ZNF740: variants seen among roughly 807,000 people sequenced by gnomAD.
The protein encoded by ZNF740 is oriLyt TD-element-binding protein 7.
In ZNF740, 14 loss-of-function variants were observed where a neutral mutation model predicts 24.8. That is an observed-to-expected ratio of 0.56 (90% CI 0.37 to 0.88). ZNF740 has a LOEUF of 0.88. ZNF740 is among the 40% of genes least tolerant of loss of function. ZNF740 has a pLI of 0.00. For missense variants in ZNF740, 201 were observed against 247.9 expected (o/e 0.81, Z 1.27); for synonymous variants, 69 against 84.0 (o/e 0.82, Z 0.98).
At chr12:53,185,915 C>A in intron 4 of ZNF740, 39 bp from the exon 5 acceptor site, 1 of 1,607,828 alleles carries the variant, frequency 6.2e-7, no homozygotes, top group Non-Finnish European at 8.5e-7. Flanking sequence ...AGGAAGAGGG[C>A]AGTGGTGGCC....
At chr12:53,181,431 C>T (rs1359735383) in intron 1 of ZNF740, 7 of 985,334 alleles carry the variant, frequency 7.1e-6, no homozygotes, top group South Asian at 4.7e-5. Flanking sequence ...GATGGCAAAT[C>T]CAAGCAACTT....
In ZNF740 at chr12:53,193,540, A is replaced by G. The variant is rs1376193634; in HGVS notation, c.*5950A>G. ...TGAGAGAGTGGAGGGAGCCCCAGTC[A>G]GGGGGAGGGCCTGGACATACATGGG... is the stretch of plus-strand genomic sequence containing the variant. On this transcript the variant is annotated 3_prime_UTR_variant, in exon 7 of 7. Coordinates refer to ENST00000416904, the MANE Select transcript of ZNF740 (RefSeq NM_001004304.4). 5.3e-6 allele frequency: 4 copies of G among 748,214 alleles called. No homozygotes were observed. Among genetic ancestry groups the G allele is most frequent in the East Asian group, 2.7e-5 (1 of 36,746 alleles). The allele number at this position is 748,214 out of a possible 1,614,324, so 46.3% of individuals were successfully genotyped here.
Position 53,190,870 on chromosome 12 carries a change from A to ATC in ZNF740, c.*3283_*3284dup, listed in dbSNP as rs1565695558. The stretch of plus-strand genomic sequence containing the variant: ...GGAAAATGGGGCTTTTCTACATACT[A>ATC]TCTCCTCTTTGGGGAAGCTTTTTCA... On this transcript the variant is annotated 3_prime_UTR_variant, in exon 7 of 7. Coordinates refer to ENST00000416904, the MANE Select transcript of ZNF740 (RefSeq NM_001004304.4). The ATC allele has an allele frequency of 6.6e-6, 1 of 152,284 alleles. No individual in the cohort carries two copies. The highest frequency in any genetic ancestry group is 2.4e-5 in the African/African-American group (1 of 41,302). 9.4% of individuals were successfully genotyped at this position (152,284 alleles called of 1,614,324 possible).
intron 2 of ZNF740, chr12:53,182,202 T>G (rs1198125100): frequency 3.2e-6 from 2 of 628,316 alleles, no homozygotes; most frequent in Non-Finnish European, 5.5e-6. Flanking sequence ...TAGGCTATAC[T>G]GCATCACAGG....
intron 2 of ZNF740, among the ~76,000 whole-genome samples, chr12:53,183,616 A>G (rs1189324401): frequency 2.0e-5 from 3 of 151,876 alleles, no homozygotes; most frequent in Non-Finnish European, 4.4e-5. Context: ...TAAATTATAT[A>G]TGGAGCAAGG....
In ZNF740 at chr12:53,192,463, A is replaced by T. The variant is rs199702415; in HGVS notation, c.*4873A>T. 2 of 1,614,022 alleles carry T rather than the reference A, an allele frequency of 1.2e-6. No homozygotes were observed. The highest frequency in any genetic ancestry group is 4.5e-5 in the East Asian group (2 of 44,886). The stretch of plus-strand genomic sequence containing the variant: ...AGATAGGGGCCAAGGCCAGGGTCAC[A>T]TTGGTATGGGCACAAGCTGTACTGC... On this transcript the variant is annotated 3_prime_UTR_variant, in exon 7 of 7. Coordinates refer to ENST00000416904, the MANE Select transcript of ZNF740 (RefSeq NM_001004304.4).
In ZNF740 at chr12:53,181,860, A is replaced by G; in HGVS notation, c.-124A>G. 8.1e-7 allele frequency: 1 copy of G among 1,229,886 alleles called. No homozygotes were observed. Among genetic ancestry groups the G allele is most frequent in the South Asian group, 1.3e-5 (1 of 74,940 alleles). The allele number at this position is 1,229,886 out of a possible 1,614,324, so 76.2% of individuals were successfully genotyped here. On this transcript the variant is annotated 5_prime_UTR_variant, in exon 2 of 7. Transcript: ENST00000416904. The stretch of plus-strand genomic sequence containing the variant: ...AGACAAAGTTCAATATGGCAACAGG[A>G]CTGATGGGACACGAAGGAGTCGCTA...
chr12:53,181,310 T>C (rs1592380416), intron 1 of ZNF740: 1 of 985,434 alleles, frequency 1.0e-6, no homozygotes, highest in Non-Finnish European at 1.2e-6. Context: ...CGATGGCCCT[T>C]GAGCTTTCCT....
intron 2 of ZNF740, chr12:53,182,287 A>T: frequency 2.5e-6 from 1 of 407,766 alleles, no homozygotes; most frequent in Non-Finnish European, 4.4e-6. Context: ...GGTGTAAGGG[A>T]GTGAATAGTA....
rs1004467225 is a variant in ZNF740, at chr12:53,194,552, C to G, written c.*6962C>G. 7 of 521,226 alleles carry G rather than the reference C, an allele frequency of 1.3e-5. No homozygotes were observed. The highest frequency in any genetic ancestry group is 1.7e-5 in the Non-Finnish European group (5 of 288,048). 32.3% of individuals were successfully genotyped at this position (521,226 alleles called of 1,614,324 possible). Reference sequence around the variant, plus strand: ...ATACAGGATCCAGAGGCCTCTAATACAGCATTTCAGTGCAGCTGCCAGCAA... The same window carrying G: ...ATACAGGATCCAGAGGCCTCTAATAGAGCATTTCAGTGCAGCTGCCAGCAA... On this transcript the variant is annotated 3_prime_UTR_variant, in exon 7 of 7. Transcript: ENST00000416904.
rs1372996183 is a variant in ZNF740 at position 53,185,051 on chromosome 12, T to C, written c.159+11T>C. On this transcript the variant is annotated intron_variant, in intron 3 of 6. Transcript: ENST00000416904. Reference sequence around the variant, plus strand: ...AGGTGCTCGAGTCAGGTACAGCGCTTGAGTCCATTGTGGCACCTGGGGATC... The same window carrying C: ...AGGTGCTCGAGTCAGGTACAGCGCTCGAGTCCATTGTGGCACCTGGGGATC... The C allele has an allele frequency of 3.1e-6, 5 of 1,613,212 alleles. No homozygotes were observed. The East Asian group carries it at 1.1e-4, about 36-fold the overall frequency.
intron 6 of ZNF740, 58 bp from the exon 7 acceptor site, chr12:53,187,443 T>C: frequency 2.1e-6 from 3 of 1,447,188 alleles, no homozygotes; most frequent in Non-Finnish European, 1.9e-6. Flanking sequence ...AGGAATGAGT[T>C]AGCCAACAGG....
rs116066272 is a variant in ZNF740 at position 53,194,676 on chromosome 12, G to T, written c.*7086G>T. On this transcript the variant is annotated 3_prime_UTR_variant, in exon 7 of 7. Coordinates refer to ENST00000416904, the MANE Select transcript of ZNF740 (RefSeq NM_001004304.4). ...GACACATAACCTGGGTGCATGCCAGGTCTAAAGGGCAGATTCATTACAGAG... is the reference window on the plus strand; with the variant it reads ...GACACATAACCTGGGTGCATGCCAGTTCTAAAGGGCAGATTCATTACAGAG... 135 of 243,180 alleles carry T rather than the reference G, an allele frequency of 5.6e-4. No homozygotes were observed. Among genetic ancestry groups the T allele is most frequent in the African/African-American group, 2.8e-3 (128 of 45,694 alleles). 15.1% of individuals were successfully genotyped at this position (243,180 alleles called of 1,614,324 possible). A position where few individuals can be genotyped will look rare whatever the true frequency, so the allele number is the denominator to read the frequency against.
Position 53,191,994 on chromosome 12 carries a change from A to G in ZNF740, c.*4404A>G, listed in dbSNP as rs1242460031. On this transcript the variant is annotated 3_prime_UTR_variant, in exon 7 of 7. Coordinates refer to ENST00000416904, the MANE Select transcript of ZNF740 (RefSeq NM_001004304.4). ...CGATGCCCCCTACGCAGCCCAGCAC[A>G]ATGGCCTGCGTGTGGTCTGCTCCCT... 8 of 1,612,904 alleles carry G rather than the reference A, an allele frequency of 5.0e-6. No homozygotes were observed. Among genetic ancestry groups the G allele is most frequent in the Middle Eastern group, 3.3e-4 (2 of 6,082 alleles).
chr12:53,190,585 T>G lies in ZNF740; in HGVS notation c.*2995T>G, dbSNP rs567666266. 3.3e-5 allele frequency: 5 copies of G among 152,708 alleles called. No homozygotes were observed. Among genetic ancestry groups the G allele is most frequent in the Non-Finnish European group, 7.4e-5 (5 of 68,022 alleles). 9.5% of individuals were successfully genotyped at this position (152,708 alleles called of 1,614,324 possible). On this transcript the variant is annotated 3_prime_UTR_variant, in exon 7 of 7. Transcript: ENST00000416904. The stretch of plus-strand genomic sequence containing the variant: ...TTACATTAGTGGAGTCCGCCACAGC[T>G]TCGAACCCTCTCCCCAGATGCCCTT...
At chr12:53,184,138 TGTGTGTGTGTGTGC>T (rs1297866881) in intron 2 of ZNF740, among the ~76,000 whole-genome samples, 53 of 130,100 alleles carry the variant, frequency 4.1e-4, no homozygotes, top group Non-Finnish European at 6.7e-4. Flanking sequence ...TGTGTGTGTG[TGTGTGTGTGTGTGC>T]GCGCGCGCGC....
chr12:53,188,759 G>A lies in ZNF740; in HGVS notation c.*1169G>A, dbSNP rs1941873203. The A allele has an allele frequency of 6.6e-6, 1 of 152,220 alleles. No homozygotes were observed. The highest frequency in any genetic ancestry group is 2.4e-5 in the African/African-American group (1 of 41,430). The allele number at this position is 152,220 out of a possible 1,614,324, so 9.4% of individuals were successfully genotyped here. A position where few individuals can be genotyped will look rare whatever the true frequency, so the allele number is the denominator to read the frequency against. On this transcript the variant is annotated 3_prime_UTR_variant, in exon 7 of 7. Coordinates refer to ENST00000416904, the MANE Select transcript of ZNF740 (RefSeq NM_001004304.4). ...CATCCCTACCCAACAGAGTGTGGGGGATGGGGGTGGGGGTGCTGCAGAGAA... is the reference window on the plus strand; with the variant it reads ...CATCCCTACCCAACAGAGTGTGGGGAATGGGGGTGGGGGTGCTGCAGAGAA...
rs999917943 is a variant in ZNF740, at chr12:53,194,006, G to T, written c.*6416G>T. On this transcript the variant is annotated 3_prime_UTR_variant, in exon 7 of 7. Transcript: ENST00000416904. ...CACCCCTTAGTAAATGAAGGGATGGGGTCATGTTAACACCCAACTCCTAGA... is the reference window on the plus strand; with the variant it reads ...CACCCCTTAGTAAATGAAGGGATGGTGTCATGTTAACACCCAACTCCTAGA... The T allele has an allele frequency of 8.8e-5, 117 of 1,331,692 alleles. No individual in the cohort carries two copies. Among genetic ancestry groups the T allele is most frequent in the Admixed American group, 2.6e-4 (12 of 46,642 alleles). 82.5% of individuals were successfully genotyped at this position (1,331,692 alleles called of 1,614,324 possible).
At position 53,194,444 on chromosome 12, in the gene ZNF740, G is replaced by T. The variant is rs1418071183; in HGVS notation, c.*6854G>T. 2 of 1,217,352 alleles carry T rather than the reference G, an allele frequency of 1.6e-6. No individual in the cohort carries two copies. Among genetic ancestry groups the T allele is most frequent in the African/African-American group, 3.0e-5 (2 of 66,560 alleles). The allele number at this position is 1,217,352 out of a possible 1,614,324, so 75.4% of individuals were successfully genotyped here. ...GTGTTCCCAATTCTGCCAGCACCCT[G>T]CCCTCTGCCACCTGGGGCTCCTTCC... On this transcript the variant is annotated 3_prime_UTR_variant, in exon 7 of 7. Coordinates refer to ENST00000416904, the MANE Select transcript of ZNF740 (RefSeq NM_001004304.4).
Sources: gnomAD v4.1 joint callset for allele counts (sites outside exome capture counted in the v4.1 genomes callset) on GRCh38, gnomAD v4.1.1 for gene constraint, MANE v1.5 for transcripts, NCBI Gene and HGNC (gene_info 2026-07-23, HGNC 2026-07-21) for gene names.